TRPM2: variants seen among roughly 807,000 people sequenced by gnomAD.
TRPM2 encodes the protein transient receptor potential cation channel subfamily M member 2, also known as estrogen-responsive element-associated gene 1 protein.
In TRPM2, 161 loss-of-function variants were observed where a neutral mutation model predicts 174.0. The observed-to-expected ratio is 0.93, with a 90% CI of 0.81 to 1.05. The LOEUF (loss-of-function observed/expected upper bound fraction) is 1.05, where lower values mean the gene tolerates loss of function less well. TRPM2 is among the 50% of genes least tolerant of loss of function. The pLI is 0.00. For synonymous variants in TRPM2, 954 were observed against 861.3 expected (o/e 1.11, Z -1.88); for missense variants, 2,057 against 2,038.0 (o/e 1.01, Z -0.18).
At chr21:44,437,252 C>T (rs1049768835) in intron 29 of TRPM2, 85 bp downstream of exon 29, 2 of 1,305,182 alleles carry the variant, frequency 1.5e-6, no homozygotes, top group African/African-American at 3.0e-5. Flanking sequence ...ACGGACTGGA[C>T]ACCAGCCCCC....
In TRPM2 at chr21:44,400,174, C is replaced by T. The variant is rs1377205430; in HGVS notation, c.2209-85C>T. ...GCAGGCTAGCTCTGTCCACTAGGCA[C>T]CCCGAGTCCTCAGCAGACAGCTGAC... On this transcript the variant is annotated intron_variant, in intron 14 of 31. Coordinates refer to ENST00000397928, the MANE Select transcript of TRPM2 (RefSeq NM_003307.4). 21 of 1,164,720 alleles carry T rather than the reference C, an allele frequency of 1.8e-5. No homozygotes were observed. In the East Asian group the frequency reaches 4.6e-4, roughly 25 times the overall value. The allele number at this position is 1,164,720 out of a possible 1,614,324, so 72.1% of individuals were successfully genotyped here. A position where few individuals can be genotyped will look rare whatever the true frequency, so the allele number is the denominator to read the frequency against.
At chr21:44,350,519 GCGCGGTGGGGT>G, upstream of TRPM2, among the ~76,000 whole-genome samples, 1 of 142,628 alleles carries the variant, frequency 7.0e-6, no homozygotes, top group Admixed American at 6.9e-5. Flanking sequence ...CTGGTGCAGG[GCGCGGTGGGGT>G]GCAAGGGCGC....
At position 44,379,198 on chromosome 21, in the gene TRPM2, G is replaced by T; in HGVS notation, c.1215+1G>T. 6.2e-7 allele frequency: 1 copy of T among 1,612,306 alleles called. No homozygotes were observed. The highest frequency in any genetic ancestry group is 8.5e-7 in the Non-Finnish European group (1 of 1,179,936). The stretch of plus-strand genomic sequence containing the variant: ...CAGGATTGTCGAGTGGACCAAAAAG[G>T]TGAGGCTGACGGGCACGACGGTCAC... On this transcript the variant is annotated splice_donor_variant, in intron 8 of 31. Transcript: ENST00000397928. LOFTEE classifies it high-confidence loss of function.
chr21:44,423,333 ATTGT>A (rs1371936554), intron 22 of TRPM2: 6 of 377,672 alleles, frequency 1.6e-5, no homozygotes, highest in South Asian at 8.5e-5. Flanking sequence ...AGGAAGTTTC[ATTGT>A]TTGTGACCTG....
chr21:44,440,852 G>C lies in TRPM2; in HGVS notation c.4333G>C (p.Val1445Leu), dbSNP rs751737739. The stretch of plus-strand genomic sequence containing the variant: ...CAATGCCTGGATCGAGACGGTGGCC[G>C]TCAGCGTCCACTTCCAGGACCAGAA... ...TDNAWIETVA[V>L]SVHFQDQNDV... Residue 1445 changes from valine to leucine, a missense_variant, in exon 31 of 32, where the codon GTC becomes CTC. Transcript: ENST00000397928. 5 of 1,613,744 alleles carry C rather than the reference G, an allele frequency of 3.1e-6. No individual in the cohort carries two copies. The highest frequency in any genetic ancestry group is 1.3e-5 in the African/African-American group (1 of 74,944).
chr21:44,439,692 C>T lies in TRPM2; in HGVS notation c.4269+524C>T, dbSNP rs999493984. Among the ~76,000 whole-genome samples, 3 of 152,162 alleles carry T rather than the reference C, an allele frequency of 2.0e-5. No individual in the cohort carries two copies. Among genetic ancestry groups the T allele is most frequent in the African/African-American group, 4.8e-5 (2 of 41,448 alleles). On this transcript the variant is annotated intron_variant, in intron 30 of 31. Transcript: ENST00000397928. The surrounding 1 kb of genome is among the most constrained non-coding windows in gnomAD (Gnocchi z 5.1). ...TTCCTTAGAAAGCCTCCATCTCCAG[C>T]TCTCTCACACAAATGCATGCACACT...
intron 19 of TRPM2, 120 bp downstream of exon 19, chr21:44,406,885 C>G (rs898482479): frequency 9.9e-6 from 13 of 1,310,062 alleles, no homozygotes; most frequent in African/African-American, 6.0e-5. Flanking sequence ...CGGTTCCCAC[C>G]TGGCCGGTGT....
intron 9 of TRPM2, 98 bp downstream of exon 9, chr21:44,382,918 C>A: frequency 8.0e-7 from 1 of 1,243,786 alleles, no homozygotes; most frequent in Non-Finnish European, 1.1e-6. Context: ...TTCTGGGAAC[C>A]AGAATATTCC....
At chr21:44,418,163 G>A in intron 21 of TRPM2, 55 bp downstream of exon 21, 12 of 1,564,140 alleles carry the variant, frequency 7.7e-6, no homozygotes, top group Non-Finnish European at 1.0e-5. Flanking sequence ...GTGCAGAGGG[G>A]GTGGAGATGG....
At chr21:44,427,796 C>T (rs1304781071) in intron 27 of TRPM2, among the ~76,000 whole-genome samples, 1 of 151,944 alleles carries the variant, frequency 6.6e-6, no homozygotes, top group East Asian at 1.9e-4. Flanking sequence ...GGCTCCTCTG[C>T]CTGGAGCCGG....
chr21:44,403,967 C>T (rs111073795), intron 16 of TRPM2, among the ~76,000 whole-genome samples: 1 of 13,762 alleles, frequency 7.3e-5, no homozygotes, highest in Non-Finnish European at 2.6e-4. Context: ...CATACATACA[C>T]ACATGCACAT....
At chr21:44,387,230 G>A (rs1012993981) in intron 9 of TRPM2, among the ~76,000 whole-genome samples, 1 of 152,134 alleles carries the variant, frequency 6.6e-6, no homozygotes, top group Non-Finnish European at 1.5e-5. Flanking sequence ...ATAGAATAGT[G>A]AGCCCAAAAA....
chr21:44,398,107 G>A (rs1239653889), intron 13 of TRPM2, among the ~76,000 whole-genome samples: 1 of 152,182 alleles, frequency 6.6e-6, no homozygotes, highest in Non-Finnish European at 1.5e-5. Flanking sequence ...TTAAGACAGC[G>A]AGATTGCAAT....
At chr21:44,434,626 G>A (rs1373505589) in intron 27 of TRPM2, among the ~76,000 whole-genome samples, 1 of 152,158 alleles carries the variant, frequency 6.6e-6, no homozygotes, top group African/African-American at 2.4e-5. Flanking sequence ...GGAAGCGTCT[G>A]TGGCTCCTGC....
chr21:44,391,732 C>T lies in TRPM2; in HGVS notation c.1794+107C>T. 2 of 1,093,140 alleles carry T rather than the reference C, an allele frequency of 1.8e-6. No individual in the cohort carries two copies. The highest frequency in any genetic ancestry group is 2.5e-6 in the Non-Finnish European group (2 of 788,102). The allele number at this position is 1,093,140 out of a possible 1,614,324, so 67.7% of individuals were successfully genotyped here. On this transcript the variant is annotated intron_variant, in intron 11 of 31. Coordinates refer to ENST00000397928, the MANE Select transcript of TRPM2 (RefSeq NM_003307.4). The surrounding 1 kb of genome is among the most constrained non-coding windows in gnomAD (Gnocchi z 5.0). ...TAGCTTTTATTTTTATTAGAAAAGA[C>T]ACATGCTCTATCTTAGGCTGCTTGG...
intron 9 of TRPM2, among the ~76,000 whole-genome samples, chr21:44,389,758 G>A (rs2049115945): frequency 6.6e-6 from 1 of 151,972 alleles, no homozygotes; most frequent in Non-Finnish European, 1.5e-5. Flanking sequence ...TTTTCGATTT[G>A]TAAGAGTTAT....
chr21:44,407,153 T>C (rs201413412), intron 19 of TRPM2, among the ~76,000 whole-genome samples: 8 of 21,344 alleles, frequency 3.7e-4, no homozygotes, highest in Non-Finnish European at 5.6e-4. Flanking sequence ...CTCCCTTCCT[T>C]CCTTCCATTT....
rs2051524318 is a variant in TRPM2, at chr21:44,441,965, G to A, written c.*148G>A. The A allele has an allele frequency of 5.0e-6, 6 of 1,200,998 alleles. No individual in the cohort carries two copies. Among genetic ancestry groups the A allele is most frequent in the African/African-American group, 1.6e-5 (1 of 64,290 alleles). The allele number at this position is 1,200,998 out of a possible 1,614,324, so 74.4% of individuals were successfully genotyped here. A position where few individuals can be genotyped will look rare whatever the true frequency, so the allele number is the denominator to read the frequency against. On this transcript the variant is annotated 3_prime_UTR_variant, in exon 32 of 32. Transcript: ENST00000397928. Reference sequence around the variant, plus strand: ...GGACCCAGTGCCCCTCACGGCTGCCGCAAGTCTGCTGCAGATGACCTCATG... The same window carrying A: ...GGACCCAGTGCCCCTCACGGCTGCCACAAGTCTGCTGCAGATGACCTCATG...
chr21:44,436,526 G>A (rs1419366979), intron 28 of TRPM2, among the ~76,000 whole-genome samples: 12 of 58,548 alleles, frequency 2.0e-4, no homozygotes, highest in African/African-American at 9.0e-4. Context: ...GCTGCACTCT[G>A]CACCCCATGT....
Sources: gnomAD v4.1 joint callset for allele counts (sites outside exome capture counted in the v4.1 genomes callset) on GRCh38, gnomAD v4.1.1 for gene constraint, Gnocchi (gnomAD v3.1) non-coding constraint, MANE v1.5 for transcripts, NCBI Gene and HGNC (gene_info 2026-07-23, HGNC 2026-07-21) for gene names.